GALNTL5: variants seen among roughly 807,000 people sequenced by gnomAD.
GALNTL5 encodes the protein inactive polypeptide N-acetylgalactosaminyltransferase-like protein 5.
In GALNTL5, 44 loss-of-function variants were observed where a neutral mutation model predicts 51.0. That is an observed-to-expected ratio of 0.86 (90% CI 0.68 to 1.11). GALNTL5 has a LOEUF of 1.11. GALNTL5 is among the 50% of genes least tolerant of loss of function. The pLI is 0.00. For missense variants in GALNTL5, 528 were observed against 531.8 expected (o/e 0.99, Z 0.07); for synonymous variants, 192 against 182.8 (o/e 1.05, Z -0.41).
chr7:152,014,004 G>GT lies in GALNTL5; in HGVS notation c.1027-637dup, dbSNP rs1200416010. Among the ~76,000 whole-genome samples the GT allele has an allele frequency of 2.6e-5, 4 of 152,314 alleles. No homozygotes were observed. In the East Asian group the frequency reaches 7.7e-4, roughly 29 times the overall value. On this transcript the variant is annotated intron_variant, in intron 7 of 8. Coordinates refer to ENST00000392800, the MANE Select transcript of GALNTL5 (RefSeq NM_145292.4). ...TTCAGTCATGATCAGCATTTCTCTT[G>GT]TTTCTTGCCTACATCCAGCAATTCC...
At chr7:151,958,580 A>C (rs978456967) in intron 1 of GALNTL5, among the ~76,000 whole-genome samples, 1 of 152,226 alleles carries the variant, frequency 6.6e-6, no homozygotes, top group Non-Finnish European at 1.5e-5. Flanking sequence ...GGTGTGTTGC[A>C]GCTCATTTGT....
rs114717605 is a variant in GALNTL5, at chr7:152,011,575, C to T, written c.1027-3069C>T. Among the ~76,000 whole-genome samples the T allele has an allele frequency of 3.7e-3, 566 of 152,342 alleles. 2 individuals carry two copies. The highest frequency in any genetic ancestry group is 0.013 in the African/African-American group (541 of 41,584). ...AGAGAAGCCCTTTTCTCTGCCTCTC[C>T]CCCATGCTGAACCTCTTAGATATCA... On this transcript the variant is annotated intron_variant, in intron 7 of 8. Coordinates refer to ENST00000392800, the MANE Select transcript of GALNTL5 (RefSeq NM_145292.4).
chr7:152,003,236 T>A (rs2081605160), intron 6 of GALNTL5, among the ~76,000 whole-genome samples: 1 of 152,164 alleles, frequency 6.6e-6, no homozygotes, highest in African/African-American at 2.4e-5. Flanking sequence ...AATCATGACT[T>A]TCAGGAGCAA....
At chr7:151,979,398 G>C (rs2081250352) in intron 3 of GALNTL5, among the ~76,000 whole-genome samples, 1 of 151,056 alleles carries the variant, frequency 6.6e-6, no homozygotes, top group Non-Finnish European at 1.5e-5. Context: ...ACAGGTGTGA[G>C]CCACCACGGC....
intron 8 of GALNTL5, among the ~76,000 whole-genome samples, chr7:152,017,038 C>A (rs79437294): frequency 1.6e-3 from 181 of 116,366 alleles, no homozygotes; most frequent in Admixed American, 1.8e-3. Flanking sequence ...AGCTCCATCT[C>A]AAAAAAAAAA....
At chr7:151,971,937 C>T (rs4726120) in intron 3 of GALNTL5, among the ~76,000 whole-genome samples, 1 of 152,136 alleles carries the variant, frequency 6.6e-6, no homozygotes, top group Non-Finnish European at 1.5e-5. Context: ...GAGTCAATTA[C>T]ACCTCTTTTG....
intron 5 of GALNTL5, among the ~76,000 whole-genome samples, chr7:151,993,233 CA>C (rs750087044): frequency 0.066 from 5,817 of 88,368 alleles, 263 homozygotes; most frequent in African/African-American, 0.19. Flanking sequence ...GACCATGTCT[CA>C]AAAAAAAAAA....
At chr7:151,978,129 T>G (rs1007353016) in intron 3 of GALNTL5, among the ~76,000 whole-genome samples, 2 of 152,316 alleles carry the variant, frequency 1.3e-5, no homozygotes, top group East Asian at 3.9e-4. Flanking sequence ...TACCGCTTTG[T>G]GGTATAATAA....
intron 2 of GALNTL5, among the ~76,000 whole-genome samples, chr7:151,968,855 T>A (rs1319429671): frequency 6.6e-6 from 1 of 152,214 alleles, no homozygotes; most frequent in East Asian, 1.9e-4. Context: ...GGTCTTAATT[T>A]GTATTTCCCT....
rs142278162 is a variant in GALNTL5 at position 151,999,679 on chromosome 7, C to G, written c.659-3035C>G. On this transcript the variant is annotated intron_variant, in intron 5 of 8. Transcript: ENST00000392800. ...AGGAGAACCAGATGTTATTTTTCAC[C>G]TATCAAATGAGCAGACATGATTTTA... 5.1e-3 allele frequency among the ~76,000 whole-genome samples: 774 copies of G among 152,228 alleles called. 3 individuals are homozygous for G. Among genetic ancestry groups the G allele is most frequent in the Non-Finnish European group, 7.2e-3 (492 of 68,020 alleles).
chr7:152,000,430 T>C (rs1445720751), intron 5 of GALNTL5, among the ~76,000 whole-genome samples: 1 of 152,192 alleles, frequency 6.6e-6, no homozygotes, highest in Non-Finnish European at 1.5e-5. Context: ...AAAGTTGCTA[T>C]TGCCAGCCAC....
chr7:151,984,644 A>G (rs2081338100), intron 4 of GALNTL5, among the ~76,000 whole-genome samples: 1 of 152,176 alleles, frequency 6.6e-6, no homozygotes, highest in South Asian at 2.1e-4. Flanking sequence ...AGCCTTGTGC[A>G]TGGGAAGAGT....
chr7:152,005,159 A>G lies in GALNTL5; in HGVS notation c.908+2196A>G, dbSNP rs1264869000. On this transcript the variant is annotated intron_variant, in intron 6 of 8. Coordinates refer to ENST00000392800, the MANE Select transcript of GALNTL5 (RefSeq NM_145292.4). ...TATTAATTAGCATTCATATCTGAAG[A>G]TACATTTTTCCCTTAGTTCTAATGA... is the stretch of plus-strand genomic sequence containing the variant. 3.9e-5 allele frequency among the ~76,000 whole-genome samples: 6 copies of G among 152,304 alleles called. No individual in the cohort carries two copies. The East Asian group carries it at 5.8e-4, about 15-fold the overall frequency.
chr7:151,959,093 G>A (rs1319319438), intron 1 of GALNTL5, among the ~76,000 whole-genome samples: 1 of 152,192 alleles, frequency 6.6e-6, no homozygotes, highest in Non-Finnish European at 1.5e-5. Flanking sequence ...CAGGCTTTAA[G>A]CTGTCTTTGG....
intron 6 of GALNTL5, among the ~76,000 whole-genome samples, chr7:152,005,848 A>G (rs2081635550): frequency 6.6e-6 from 1 of 152,166 alleles, no homozygotes; most frequent in South Asian, 2.1e-4. Context: ...ATTTATCTTC[A>G]TATCATCTAT....
intron 7 of GALNTL5, among the ~76,000 whole-genome samples, chr7:152,011,329 G>T (rs2081735511): frequency 6.6e-6 from 1 of 152,222 alleles, no homozygotes; most frequent in Admixed American, 6.5e-5. Flanking sequence ...AAAGCTACAG[G>T]TTCACTTCCA....
intron 2 of GALNTL5, among the ~76,000 whole-genome samples, chr7:151,967,943 T>A (rs2081080508): frequency 6.6e-6 from 1 of 152,196 alleles, no homozygotes; most frequent in Non-Finnish European, 1.5e-5. Context: ...CTTTTTGGAA[T>A]TTGCTTTTGT....
intron 5 of GALNTL5, among the ~76,000 whole-genome samples, chr7:152,001,813 G>T (rs931607407): frequency 6.6e-6 from 1 of 152,118 alleles, no homozygotes; most frequent in Non-Finnish European, 1.5e-5. Flanking sequence ...TAGTATGGGG[G>T]TTATTGCCAT....
At chr7:151,965,259 G>A (rs537785710) in intron 1 of GALNTL5, among the ~76,000 whole-genome samples, 117 of 152,198 alleles carry the variant, frequency 7.7e-4, no homozygotes, top group Non-Finnish European at 1.4e-3. Flanking sequence ...GTTACCACAC[G>A]TCCAATAACG....
Sources: allele counts gnomAD v4.1 joint callset (sites outside exome capture counted in the v4.1 genomes callset), GRCh38; gene constraint gnomAD v4.1.1; transcripts MANE v1.5; gene names NCBI Gene and HGNC (gene_info 2026-07-23, HGNC 2026-07-21).